Variants in DCAF13 observed in about 807,000 individuals in gnomAD.
DCAF13 encodes DDB1- and CUL4-associated factor 13.
Under a neutral mutation model 59.0 loss-of-function variants are expected in DCAF13, and 38 were observed. The observed-to-expected ratio is 0.64, with a 90% CI of 0.50 to 0.84. The LOEUF is 0.84. Among genes scored for constraint, DCAF13 ranks in the 40% least tolerant of loss-of-function variants. The pLI, the probability that DCAF13 is intolerant of heterozygous loss-of-function variation, is 0.00. For missense variants in DCAF13, 469 were observed against 558.4 expected (o/e 0.84, Z 1.61); for synonymous variants, 173 against 175.0 (o/e 0.99, Z 0.09).
chr8:103,420,124 T>A (rs1439862207), intron 1 of DCAF13, 140 bp from the exon 2 acceptor site: 7 of 749,676 alleles, frequency 9.3e-6, no homozygotes, highest in Non-Finnish European at 1.1e-5. Flanking sequence ...GAACAACAGG[T>A]CTTCTACTTT....
chr8:103,430,711 T>C (rs1399233049), intron 6 of DCAF13, 22 bp downstream of exon 6: 16 of 1,568,514 alleles, frequency 1.0e-5, no homozygotes, highest in Non-Finnish European at 1.4e-5. Context: ...TTTTGACTTT[T>C]GCTTTATACA....
intron 1 of DCAF13, among the ~76,000 whole-genome samples, chr8:103,420,058 T>C (rs758803229): frequency 6.6e-6 from 1 of 151,832 alleles, no homozygotes; most frequent in African/African-American, 2.4e-5. Flanking sequence ...TAGGGTCTAA[T>C]TGTTTTGCAA....
chr8:103,421,245 A>G lies in DCAF13; in HGVS notation c.378+163A>G, dbSNP rs772725147. On this transcript the variant is annotated intron_variant, in intron 3 of 10. Coordinates refer to ENST00000612750, the MANE Select transcript of DCAF13 (RefSeq NM_015420.7). Reference sequence around the variant, plus strand: ...CTTGAAAATTACTAGTTTTCTTTATATAATTCAGCCTTCCCCATAACTTAA... The same window carrying G: ...CTTGAAAATTACTAGTTTTCTTTATGTAATTCAGCCTTCCCCATAACTTAA... 11 of 688,964 alleles carry G rather than the reference A, an allele frequency of 1.6e-5. 1 individual carries two copies. Among genetic ancestry groups the G allele is most frequent in the South Asian group, 1.3e-4 (8 of 63,026 alleles). 42.7% of individuals were successfully genotyped at this position (688,964 alleles called of 1,614,324 possible).
At position 103,440,284 on chromosome 8, in the gene DCAF13, A is replaced by G. The variant is rs372084361; in HGVS notation, c.1086+13A>G. On this transcript the variant is annotated intron_variant, in intron 9 of 10. Transcript: ENST00000612750. ...AAAATTGGGTGTGGTAAGAGAATTC[A>G]TTTTCTTTCATTGTCATAAAGCTGA... 10 of 1,552,592 alleles carry G rather than the reference A, an allele frequency of 6.4e-6. No homozygotes were observed. In the African/African-American group the frequency reaches 1.3e-4, roughly 20 times the overall value.
At chr8:103,419,692 A>T (rs912114591) in intron 1 of DCAF13, among the ~76,000 whole-genome samples, 2 of 152,124 alleles carry the variant, frequency 1.3e-5, no homozygotes, top group Non-Finnish European at 2.9e-5. Context: ...AACACTTACA[A>T]CCCAGTTGAA....
In DCAF13 at chr8:103,427,259, T is replaced by G. The variant is rs757991333; in HGVS notation, c.624+7T>G. 3 of 1,570,808 alleles carry G rather than the reference T, an allele frequency of 1.9e-6. No individual in the cohort carries two copies. Among genetic ancestry groups the G allele is most frequent in the Non-Finnish European group, 2.6e-6 (3 of 1,146,804 alleles). ...TAAATTTAACCCAATTGAGGTAATGTTTTTTTTTAAGTATGTTTTACTTAT... is the reference window on the plus strand; with the variant it reads ...TAAATTTAACCCAATTGAGGTAATGGTTTTTTTTAAGTATGTTTTACTTAT... On this transcript the variant is annotated splice_region_variant and intron_variant, in intron 5 of 10. Transcript: ENST00000612750.
intron 10 of DCAF13, 57 bp downstream of exon 10, chr8:103,441,675 C>A: frequency 3.9e-6 from 6 of 1,532,666 alleles, no homozygotes; most frequent in South Asian, 1.2e-5. Flanking sequence ...TCTCATCTCA[C>A]CAAAAACAAA....
intron 8 of DCAF13, among the ~76,000 whole-genome samples, chr8:103,436,936 C>T (rs1816942663): frequency 6.6e-6 from 1 of 152,012 alleles, no homozygotes; most frequent in Admixed American, 6.6e-5. Context: ...AGTCTTTTTC[C>T]ACTGTAATTT....
chr8:103,415,459 A>C lies in DCAF13; in HGVS notation c.13A>C (p.Met5Leu). 1 of 1,614,008 alleles carries C rather than the reference A, an allele frequency of 6.2e-7. No homozygotes were observed. Among genetic ancestry groups the C allele is most frequent in the Non-Finnish European group, 8.5e-7 (1 of 1,179,928 alleles). The change falls in exon 1 of 11, where the codon ATG (methionine) becomes CTG (leucine). Residue 5 changes from methionine (M) to leucine (L), a missense_variant. Met to Leu is a conservative substitution (Grantham distance 15, BLOSUM62 2). Coordinates refer to ENST00000612750, the MANE Select transcript of DCAF13 (RefSeq NM_015420.7). MKVK[M>L]LSRNPDNYVR... is the part of the protein sequence containing the mutation. ...AAGAGCAACCGAGATGAAGGTGAAGATGCTGAGCCGGAATCCGGACAATTA... is the reference window on the plus strand; with the variant it reads ...AAGAGCAACCGAGATGAAGGTGAAGCTGCTGAGCCGGAATCCGGACAATTA...
chr8:103,427,501 A>G, intron 5 of DCAF13: 1 of 459,064 alleles, frequency 2.2e-6, no homozygotes, highest in Non-Finnish European at 3.8e-6. Context: ...CCATTGGGGT[A>G]AAATCCAAGT....
At chr8:103,417,113 A>T (rs1315272981) in intron 1 of DCAF13, among the ~76,000 whole-genome samples, 1 of 152,234 alleles carries the variant, frequency 6.6e-6, no homozygotes, top group Non-Finnish European at 1.5e-5. Flanking sequence ...TAACTGAACC[A>T]GTCCCACTCT....
intron 10 of DCAF13, chr8:103,442,211 T>C (rs1586136636): frequency 6.6e-6 from 1 of 152,368 alleles, no homozygotes; most frequent in African/African-American, 2.4e-5. Flanking sequence ...CTTGCTCATA[T>C]TAAAAAATTA....
intron 2 of DCAF13, 142 bp downstream of exon 2, chr8:103,420,605 T>C: frequency 1.3e-6 from 1 of 794,226 alleles, no homozygotes; most frequent in Non-Finnish European, 2.0e-6. Context: ...GAATACTGTT[T>C]AGTATTTTCT....
chr8:103,433,674 G>A (rs1027885569), intron 7 of DCAF13, among the ~76,000 whole-genome samples: 1 of 151,926 alleles, frequency 6.6e-6, no homozygotes, highest in African/African-American at 2.4e-5. Context: ...CTAAAAAGAG[G>A]TTTAGTCCAG....
chr8:103,430,805 C>G, intron 6 of DCAF13, 116 bp downstream of exon 6: 1 of 699,852 alleles, frequency 1.4e-6, no homozygotes, highest in Non-Finnish European at 2.3e-6. Flanking sequence ...ATCTTTTATA[C>G]AGGTGTTCTT....
At chr8:103,435,999 A>G (rs557599125) in intron 8 of DCAF13, among the ~76,000 whole-genome samples, 1 of 152,174 alleles carries the variant, frequency 6.6e-6, no homozygotes, top group South Asian at 2.1e-4. Context: ...TCTGTTCAGC[A>G]TGTTACTGTG....
At chr8:103,427,361 TG>T in intron 5 of DCAF13, 109 bp downstream of exon 5, 1 of 1,008,750 alleles carries the variant, frequency 9.9e-7, no homozygotes, top group Non-Finnish European at 1.5e-6. Context: ...AATGGTGTTT[TG>T]GCATTTTGTC....
intron 3 of DCAF13, 61 bp from the exon 4 acceptor site, chr8:103,425,995 G>A: frequency 1.7e-6 from 2 of 1,160,584 alleles, no homozygotes; most frequent in South Asian, 2.5e-5. Context: ...ATATGTGTTG[G>A]CAAGTTTTAA....
At chr8:103,423,327 TA>T (rs1236969675) in intron 3 of DCAF13, among the ~76,000 whole-genome samples, 6 of 149,562 alleles carry the variant, frequency 4.0e-5, no homozygotes, top group Admixed American at 1.3e-4. Flanking sequence ...GAATGAATTT[TA>T]AAAAAAAAAG....
Sources: gnomAD v4.1 joint callset for allele counts (sites outside exome capture counted in the v4.1 genomes callset) on GRCh38, gnomAD v4.1.1 for gene constraint, MANE v1.5 for transcripts, NCBI Gene and HGNC (gene_info 2026-07-23, HGNC 2026-07-21) for gene names.